CNTNAP2: variants seen among roughly 807,000 people sequenced by gnomAD.
CNTNAP2 encodes the protein contactin associated protein 2, also known as contactin-associated protein-like 2.
A neutral mutation model predicts 155.2 loss-of-function variants in CNTNAP2; 98 were observed. The observed-to-expected ratio is 0.63, with a 90% CI of 0.54 to 0.75. The LOEUF is 0.75. Among genes scored for constraint, CNTNAP2 ranks in the 30% least tolerant of loss-of-function variants. The pLI is 0.00. For missense variants in CNTNAP2, 1,727 were observed against 1,688.1 expected (o/e 1.02, Z -0.40); for synonymous variants, 651 against 631.2 (o/e 1.03, Z -0.47).
At chr7:146,458,132 T>C (rs191239440) in intron 1 of CNTNAP2, among the ~76,000 whole-genome samples, 34 of 151,992 alleles carry the variant, frequency 2.2e-4, no homozygotes, top group African/African-American at 7.7e-4. Context: ...CAACACACAC[T>C]GGGGCCTGTC....
At chr7:146,589,932 A>G (rs760305111) in intron 1 of CNTNAP2, among the ~76,000 whole-genome samples, 3 of 152,198 alleles carry the variant, frequency 2.0e-5, no homozygotes, top group African/African-American at 7.2e-5. Context: ...AGAATAGAGC[A>G]CAAAAGAGAT....
chr7:147,878,291 G>C (rs1308857624), intron 13 of CNTNAP2, among the ~76,000 whole-genome samples: 1 of 152,038 alleles, frequency 6.6e-6, no homozygotes, highest in African/African-American at 2.4e-5. Context: ...TGATAGTGAT[G>C]ATGATGATGA....
chr7:147,913,634 T>C lies in CNTNAP2; in HGVS notation c.2255+9913T>C, dbSNP rs548834710. On this transcript the variant is annotated intron_variant, in intron 14 of 23. Coordinates refer to ENST00000361727, the MANE Select transcript of CNTNAP2 (RefSeq NM_014141.6). Reference sequence around the variant, plus strand: ...ACATCAGTCTGGAAAACAGAAACCTTAATACGAGACAGAAGGTACTGCACG... The same window carrying C: ...ACATCAGTCTGGAAAACAGAAACCTCAATACGAGACAGAAGGTACTGCACG... 5.3e-5 allele frequency among the ~76,000 whole-genome samples: 8 copies of C among 152,352 alleles called. No homozygotes were observed. The East Asian group carries it at 1.5e-3, about 29-fold the overall frequency.
At chr7:146,431,991 G>A (rs557272139) in intron 1 of CNTNAP2, among the ~76,000 whole-genome samples, 1 of 152,168 alleles carries the variant, frequency 6.6e-6, no homozygotes, top group African/African-American at 2.4e-5. Flanking sequence ...CATTAAAGGT[G>A]GTGAAGATAG....
intron 13 of CNTNAP2, among the ~76,000 whole-genome samples, chr7:147,651,925 A>G (rs1169993660): frequency 6.6e-6 from 1 of 152,148 alleles, no homozygotes; most frequent in Non-Finnish European, 1.5e-5. Context: ...ATGTAGCCCT[A>G]TCTTGCCATC....
At chr7:147,448,729 G>T (rs922468169) in intron 10 of CNTNAP2, among the ~76,000 whole-genome samples, 7 of 152,022 alleles carry the variant, frequency 4.6e-5, no homozygotes, top group Non-Finnish European at 8.8e-5. Context: ...ACTCAAGGTA[G>T]TATACTATCT....
At chr7:146,822,523 CCT>C (rs891264056) in intron 2 of CNTNAP2, among the ~76,000 whole-genome samples, 13 of 150,672 alleles carry the variant, frequency 8.6e-5, no homozygotes, top group Admixed American at 2.0e-4. Context: ...CCCACCTTCC[CCT>C]GTTTTTAATA....
intron 22 of CNTNAP2, among the ~76,000 whole-genome samples, chr7:148,384,430 A>T (rs1403498443): frequency 6.6e-6 from 1 of 152,236 alleles, no homozygotes; most frequent in Non-Finnish European, 1.5e-5. Flanking sequence ...ACAGGGCTCA[A>T]ATGAAAGGAT....
chr7:146,870,288 A>G (rs1292464263), intron 3 of CNTNAP2, among the ~76,000 whole-genome samples: 1 of 151,634 alleles, frequency 6.6e-6, no homozygotes, highest in Non-Finnish European at 1.5e-5. Context: ...TTGGGGAATC[A>G]TTATTCCTGG....
chr7:147,761,751 G>C (rs548241858), intron 13 of CNTNAP2, among the ~76,000 whole-genome samples: 2 of 152,278 alleles, frequency 1.3e-5, no homozygotes, highest in African/African-American at 4.8e-5. Context: ...AGTAACACCT[G>C]AAGATCTTTT....
intron 1 of CNTNAP2, among the ~76,000 whole-genome samples, chr7:146,441,912 T>C (rs562184858): frequency 1.3e-5 from 2 of 151,732 alleles, no homozygotes; most frequent in South Asian, 4.1e-4. Context: ...TGTAAAGATA[T>C]TAATTTTTTG....
chr7:147,324,249 C>G (rs921435408), intron 9 of CNTNAP2, among the ~76,000 whole-genome samples: 2 of 152,124 alleles, frequency 1.3e-5, no homozygotes, highest in African/African-American at 4.8e-5. Context: ...AAATATAACA[C>G]AGTGTCTGAT....
intron 1 of CNTNAP2, among the ~76,000 whole-genome samples, chr7:146,481,094 A>G (rs1360449109): frequency 6.6e-6 from 1 of 152,150 alleles, no homozygotes; most frequent in Non-Finnish European, 1.5e-5. Context: ...ACTGCCAGCC[A>G]GTAGTAAATG....
At chr7:146,555,547 A>G (rs1013805526) in intron 1 of CNTNAP2, among the ~76,000 whole-genome samples, 1 of 151,822 alleles carries the variant, frequency 6.6e-6, no homozygotes, top group Non-Finnish European at 1.5e-5. Flanking sequence ...TCTATGCGAT[A>G]TCTATCACTT....
intron 3 of CNTNAP2, among the ~76,000 whole-genome samples, chr7:146,972,439 A>G (rs1457572862): frequency 6.6e-6 from 1 of 152,212 alleles, no homozygotes; most frequent in East Asian, 1.9e-4. Flanking sequence ...AATGAATACA[A>G]TTTTCAAGTA....
Position 147,597,925 on chromosome 7 carries a change from A to G in CNTNAP2, c.1897+35668A>G, listed in dbSNP as rs183838652. On this transcript the variant is annotated intron_variant, in intron 12 of 23. Coordinates refer to ENST00000361727, the MANE Select transcript of CNTNAP2 (RefSeq NM_014141.6). ...CCTTTAGTTCCCAAGGGCGTAGGTC[A>G]GAAACAATGCTCAGTACTTTCAATC... Among the ~76,000 whole-genome samples, 22 of 152,348 alleles carry G rather than the reference A, an allele frequency of 1.4e-4. No individual in the cohort carries two copies. The East Asian group carries it at 3.9e-3, about 27-fold the overall frequency.
intron 13 of CNTNAP2, among the ~76,000 whole-genome samples, chr7:147,668,360 C>A: frequency 6.6e-6 from 1 of 152,184 alleles, no homozygotes; most frequent in Admixed American, 6.5e-5. Flanking sequence ...CCCAGCAAAA[C>A]TTCATAAACA....
chr7:147,735,191 A>G (rs144195745), intron 13 of CNTNAP2, among the ~76,000 whole-genome samples: 9,612 of 152,068 alleles, frequency 0.063, 966 homozygotes, highest in African/African-American at 0.22. Context: ...ACACTGATTT[A>G]AATGTGTCCC....
At chr7:146,615,589 G>C (rs1218125997) in intron 1 of CNTNAP2, among the ~76,000 whole-genome samples, 2 of 152,162 alleles carry the variant, frequency 1.3e-5, no homozygotes, top group Admixed American at 6.5e-5. Context: ...CATCACTCTT[G>C]TGCATTCCAA....
Sources: allele counts gnomAD v4.1 joint callset (sites outside exome capture counted in the v4.1 genomes callset), GRCh38; gene constraint gnomAD v4.1.1; transcripts MANE v1.5; gene names NCBI Gene and HGNC (gene_info 2026-07-23, HGNC 2026-07-21).